Variants in STK32B observed in about 807,000 individuals in gnomAD.
STK32B encodes serine/threonine kinase 32B.
A neutral mutation model predicts 52.6 loss-of-function variants in STK32B; 43 were observed. The ratio of observed to expected loss-of-function variants is 0.82; its 90% CI spans 0.64 to 1.05. STK32B has a LOEUF of 1.05. STK32B is among the 50% of genes least tolerant of loss of function. The pLI is 0.00. For missense variants in STK32B, 621 were observed against 534.6 expected (o/e 1.16, Z -1.59); for synonymous variants, 238 against 204.3 (o/e 1.17, Z -1.41).
intron 4 of STK32B, 33 bp downstream of exon 4, chr4:5,331,426 G>T: frequency 6.3e-7 from 1 of 1,585,392 alleles, no homozygotes. Flanking sequence ...GCCTGGGACA[G>T]AGGGACCATG....
Position 5,274,389 on chromosome 4 carries a change from G to T in STK32B, c.261-56831G>T, listed in dbSNP as rs560097057. Among the ~76,000 whole-genome samples, 5 of 152,210 alleles carry T rather than the reference G, an allele frequency of 3.3e-5. No individual in the cohort carries two copies. In the South Asian group the frequency reaches 1.0e-3, roughly 32 times the overall value. ...ATGAAGCTGCCCTTTTAATGGTGGG[G>T]GGTAGGGTGGGACAGACCATATTGA... On this transcript the variant is annotated intron_variant, in intron 3 of 11. Coordinates refer to ENST00000282908, the MANE Select transcript of STK32B (RefSeq NM_018401.3).
At chr4:5,070,258 G>A (rs1711676824) in intron 1 of STK32B, among the ~76,000 whole-genome samples, 1 of 152,204 alleles carries the variant, frequency 6.6e-6, no homozygotes, top group African/African-American at 2.4e-5. Flanking sequence ...CTGGCAAGTA[G>A]TGTGGAACTG....
At chr4:5,209,917 C>A (rs1306331113) in intron 3 of STK32B, among the ~76,000 whole-genome samples, 6 of 152,184 alleles carry the variant, frequency 3.9e-5, no homozygotes, top group Non-Finnish European at 5.9e-5. Context: ...TTCCTCTATA[C>A]CACTGCATCT....
intron 11 of STK32B, among the ~76,000 whole-genome samples, chr4:5,492,482 C>T (rs895729531): frequency 6.6e-6 from 1 of 151,882 alleles, no homozygotes; most frequent in Non-Finnish European, 1.5e-5. Context: ...TGGGCTGAGA[C>T]AATGGGGTTT....
chr4:5,370,741 C>G (rs1166270786), intron 4 of STK32B, among the ~76,000 whole-genome samples: 1 of 151,926 alleles, frequency 6.6e-6, no homozygotes, highest in African/African-American at 2.4e-5. Context: ...GCCTGTAATC[C>G]CAGCACTTTG....
At chr4:5,041,929 C>T in the STK32B span, among the ~76,000 whole-genome samples, 2 of 151,944 alleles carry the variant, frequency 1.3e-5, no homozygotes, top group South Asian at 2.1e-4. Flanking sequence ...TTAACATAAA[C>T]GATAACAAAA....
At chr4:5,295,796 T>A (rs1359644024) in intron 3 of STK32B, among the ~76,000 whole-genome samples, 1 of 152,212 alleles carries the variant, frequency 6.6e-6, no homozygotes, top group Non-Finnish European at 1.5e-5. Flanking sequence ...CTTAGTTATT[T>A]CTTGTCTTCT....
At chr4:5,337,648 C>T (rs1732795345) in intron 4 of STK32B, among the ~76,000 whole-genome samples, 1 of 151,910 alleles carries the variant, frequency 6.6e-6, no homozygotes, top group South Asian at 2.1e-4. Flanking sequence ...TCCTGATGCA[C>T]CTGGCCTTGA....
chr4:5,207,647 T>C (rs1032108407), intron 3 of STK32B, among the ~76,000 whole-genome samples: 2 of 151,760 alleles, frequency 1.3e-5, no homozygotes, highest in African/African-American at 4.8e-5. Flanking sequence ...AGGGAAAATA[T>C]TATTTTCTCA....
chr4:5,488,332 T>C (rs1473400681), intron 11 of STK32B, among the ~76,000 whole-genome samples: 1 of 152,166 alleles, frequency 6.6e-6, no homozygotes, highest in Non-Finnish European at 1.5e-5. Flanking sequence ...GATTTTATGG[T>C]GTAATGGTGA....
chr4:5,289,193 T>C (rs1049500022), intron 3 of STK32B, among the ~76,000 whole-genome samples: 2 of 152,200 alleles, frequency 1.3e-5, no homozygotes, highest in African/African-American at 2.4e-5. Context: ...CTAAATACCA[T>C]AGGCAGTTGT....
chr4:5,271,055 A>G (rs1577272842), intron 3 of STK32B, among the ~76,000 whole-genome samples: 1 of 151,418 alleles, frequency 6.6e-6, no homozygotes, highest in East Asian at 1.9e-4. Context: ...CTCCTGCCTC[A>G]GCCTCCTGAG....
At chr4:5,048,003 G>C (rs1057340078), upstream of STK32B, among the ~76,000 whole-genome samples, 1 of 152,164 alleles carries the variant, frequency 6.6e-6, no homozygotes, top group Non-Finnish European at 1.5e-5. Context: ...GTAGAGACCA[G>C]AGTTCTCCAG....
intron 1 of STK32B, among the ~76,000 whole-genome samples, chr4:5,057,860 A>C (rs534108154): frequency 1.3e-5 from 2 of 152,344 alleles, no homozygotes; most frequent in African/African-American, 4.8e-5. Context: ...CTAACACCCT[A>C]AAGGGATATT....
Position 5,381,179 on chromosome 4 carries a change from G to T in STK32B, c.435-17028G>T, listed in dbSNP as rs575174926. ...TGTGATAGAATGAATGGAAATAGAT[G>T]ATTTCCCAAGACTCCCTGGTTAGGA... On this transcript the variant is annotated intron_variant, in intron 4 of 11. Transcript: ENST00000282908. Among the ~76,000 whole-genome samples, 3 of 152,194 alleles carry T rather than the reference G, an allele frequency of 2.0e-5. No individual in the cohort carries two copies. In the South Asian group the frequency reaches 6.2e-4, roughly 31 times the overall value.
At chr4:5,148,411 C>T (rs1416761264) in intron 2 of STK32B, among the ~76,000 whole-genome samples, 1 of 151,772 alleles carries the variant, frequency 6.6e-6, no homozygotes, top group Non-Finnish European at 1.5e-5. Flanking sequence ...GCTTAAGTTA[C>T]ACCCCCAAAA....
chr4:5,281,516 G>T (rs1017649369), intron 3 of STK32B, among the ~76,000 whole-genome samples: 15 of 152,244 alleles, frequency 9.9e-5, no homozygotes, highest in African/African-American at 3.6e-4. Context: ...TAGATTACAG[G>T]TTGATGGATG....
At chr4:5,170,448 A>G (rs1396844622) in intron 3 of STK32B, among the ~76,000 whole-genome samples, 2 of 152,016 alleles carry the variant, frequency 1.3e-5, no homozygotes, top group East Asian at 1.9e-4. Flanking sequence ...TCCTAATGCT[A>G]TCGCTCCCCC....
chr4:5,055,479 G>C lies in STK32B; in HGVS notation c.52+3564G>C, dbSNP rs563489005. Among the ~76,000 whole-genome samples the C allele has an allele frequency of 2.6e-5, 4 of 152,118 alleles. No homozygotes were observed. The South Asian group carries it at 8.3e-4, about 32-fold the overall frequency. ...CCCCCGTCACTGTCCCCTCAATGCA[G>C]CATCCAGAGTGATCCTGTTAAAACA... On this transcript the variant is annotated intron_variant, in intron 1 of 11. Transcript: ENST00000282908.
Sources: gnomAD v4.1 joint callset for allele counts (sites outside exome capture counted in the v4.1 genomes callset) on GRCh38, gnomAD v4.1.1 for gene constraint, MANE v1.5 for transcripts, NCBI Gene and HGNC (gene_info 2026-07-23, HGNC 2026-07-21) for gene names.